Variants in ARMC9 observed in about 807,000 individuals in gnomAD.
ARMC9 encodes the protein lisH domain-containing protein ARMC9.
ARMC9 carries 94 observed loss-of-function variants against 107.0 expected under a neutral mutation model. That is an observed-to-expected ratio of 0.88 (90% confidence interval 0.74 to 1.04). The LOEUF is 1.04. Ranked by LOEUF, ARMC9 falls within the 50% of genes least tolerant of loss-of-function variation. ARMC9 has a pLI of 0.00. For synonymous variants in ARMC9, 380 were observed against 396.9 expected (o/e 0.96, Z 0.51); for missense variants, 942 against 1,030.1 (o/e 0.91, Z 1.17).
chr2:231,226,725 A>G (rs746317267), intron 6 of ARMC9, 49 bp from the exon 7 acceptor site: 12 of 1,599,612 alleles, frequency 7.5e-6, no homozygotes, highest in Non-Finnish European at 1.7e-6. Context: ...CGATACCCCA[A>G]GTACCGTTCC....
intron 20 of ARMC9, among the ~76,000 whole-genome samples, chr2:231,337,997 T>A (rs1319409190): frequency 1.3e-5 from 2 of 152,154 alleles, no homozygotes; most frequent in Non-Finnish European, 2.9e-5. Flanking sequence ...TCCTACCTTA[T>A]CAATCCAGCT....
At position 231,276,651 on chromosome 2, in the gene ARMC9, A is replaced by G. The variant is rs540656043; in HGVS notation, c.1350A>G (p.Thr450=). 1.3e-4 allele frequency: 214 copies of G among 1,614,146 alleles called. 2 individuals are homozygous for G. In the South Asian group the frequency reaches 2.3e-3, roughly 17 times the overall value. The change falls in exon 15 of 25, where the codon ACA becomes ACG. Residue 450 remains threonine, a synonymous_variant. Transcript: ENST00000611582. ...QKFSLRRPLQ[T]AMIQDGLIFW... ...TTCTTCCCAGGCGCCCGCTGCAGACAGCGATGATTCAAGACGGCCTCATCT... is the reference window on the plus strand; with the variant it reads ...TTCTTCCCAGGCGCCCGCTGCAGACGGCGATGATTCAAGACGGCCTCATCT...
intron 17 of ARMC9, among the ~76,000 whole-genome samples, chr2:231,284,160 C>T (rs528228548): frequency 6.6e-6 from 1 of 152,322 alleles, no homozygotes; most frequent in South Asian, 2.1e-4. Context: ...TGCTTAGATA[C>T]ACAAATACCA....
At chr2:231,315,502 G>A (rs898322995) in intron 19 of ARMC9, among the ~76,000 whole-genome samples, 6 of 152,154 alleles carry the variant, frequency 3.9e-5, no homozygotes, top group Admixed American at 2.0e-4. Flanking sequence ...TTGTGCCACT[G>A]CACTCCAGCC....
chr2:231,283,851 G>C (rs2040395717), intron 17 of ARMC9, among the ~76,000 whole-genome samples: 1 of 152,174 alleles, frequency 6.6e-6, no homozygotes, highest in Non-Finnish European at 1.5e-5. Context: ...TCCTGCCTCA[G>C]CTTATCCAGT....
intron 23 of ARMC9, among the ~76,000 whole-genome samples, chr2:231,366,263 G>A (rs182719255): frequency 1.0e-3 from 159 of 152,296 alleles, no homozygotes; most frequent in African/African-American, 3.6e-3. Context: ...GGGCACTCAT[G>A]TTACGGAGGG....
At chr2:231,371,127 A>T in intron 24 of ARMC9, 1 of 491,494 alleles carries the variant, frequency 2.0e-6, no homozygotes. Context: ...AGGCTCGGCC[A>T]GGAGGAAGGT....
chr2:231,318,223 C>T (rs563912049), intron 19 of ARMC9, among the ~76,000 whole-genome samples: 1 of 151,760 alleles, frequency 6.6e-6, no homozygotes, highest in Non-Finnish European at 1.5e-5. Context: ...TAGAAGGCAG[C>T]CATGAGTGTG....
At chr2:231,311,568 G>A (rs927986208) in intron 19 of ARMC9, among the ~76,000 whole-genome samples, 1 of 152,014 alleles carries the variant, frequency 6.6e-6, no homozygotes, top group African/African-American at 2.4e-5. Context: ...TCAGGAGTTC[G>A]AGACCAGCCT....
chr2:231,241,485 G>A (rs1245709496), intron 9 of ARMC9, among the ~76,000 whole-genome samples: 4 of 152,072 alleles, frequency 2.6e-5, no homozygotes, highest in African/African-American at 7.2e-5. Context: ...GCCCTGTGAA[G>A]CCAGCTGTAT....
chr2:231,264,683 G>A (rs879386584), intron 12 of ARMC9, among the ~76,000 whole-genome samples: 40 of 151,422 alleles, frequency 2.6e-4, no homozygotes, highest in Non-Finnish European at 5.0e-4. Context: ...TTTTAGTAGA[G>A]ATGGGATTTC....
At chr2:231,291,226 C>A in intron 17 of ARMC9, 127 bp from the exon 18 acceptor site, 1 of 698,410 alleles carries the variant, frequency 1.4e-6, no homozygotes, top group East Asian at 2.8e-5. Flanking sequence ...TTCTCTGTCC[C>A]CCACCCAAGG....
intron 20 of ARMC9, among the ~76,000 whole-genome samples, chr2:231,341,834 A>G (rs754202511): frequency 3.3e-5 from 5 of 152,232 alleles, no homozygotes; most frequent in Non-Finnish European, 7.3e-5. Flanking sequence ...GCTAAATAAT[A>G]TGCTCTTTTT....
chr2:231,292,973 G>T (rs2041121140), intron 18 of ARMC9, among the ~76,000 whole-genome samples: 1 of 152,134 alleles, frequency 6.6e-6, no homozygotes, highest in Non-Finnish European at 1.5e-5. Flanking sequence ...CCCAGTTGGG[G>T]TCTCATGTGC....
intron 21 of ARMC9, among the ~76,000 whole-genome samples, chr2:231,346,009 A>C (rs1268998245): frequency 6.6e-6 from 1 of 152,154 alleles, no homozygotes; most frequent in African/African-American, 2.4e-5. Context: ...CTCCTTGATG[A>C]GTTCTGTTGC....
At chr2:231,370,160 T>C in intron 24 of ARMC9, 35 bp downstream of exon 24, 1 of 1,477,062 alleles carries the variant, frequency 6.8e-7, no homozygotes, top group Non-Finnish European at 9.0e-7. Context: ...CGTGGGAGCC[T>C]GGCCACCCGC....
intron 19 of ARMC9, among the ~76,000 whole-genome samples, chr2:231,304,184 C>T (rs1235483886): frequency 6.6e-6 from 1 of 150,932 alleles, no homozygotes; most frequent in Non-Finnish European, 1.5e-5. Context: ...GAGCCGAGAT[C>T]GCGCCACTGC....
intron 19 of ARMC9, among the ~76,000 whole-genome samples, chr2:231,302,437 GTTTTTTTTTTTTTTT>G (rs56032700): frequency 1.7e-5 from 1 of 58,072 alleles, no homozygotes; most frequent in South Asian, 8.7e-4. Flanking sequence ...TTGTGGGTTT[GTTTTTTTTTTTTTTT>G]TTTTTTTTTT....
intron 12 of ARMC9, among the ~76,000 whole-genome samples, chr2:231,265,092 G>A (rs1349410690): frequency 2.0e-5 from 3 of 149,210 alleles, no homozygotes; most frequent in East Asian, 3.9e-4. Flanking sequence ...GTGAGACTGC[G>A]TCTCAAAAAA....
Sources: gnomAD v4.1 joint callset for allele counts (sites outside exome capture counted in the v4.1 genomes callset) on GRCh38, gnomAD v4.1.1 for gene constraint, MANE v1.5 for transcripts, NCBI Gene and HGNC (gene_info 2026-07-23, HGNC 2026-07-21) for gene names.